MYO16: variants seen among roughly 807,000 people sequenced by gnomAD.
The protein encoded by MYO16 is myosin XVI, also known as unconventional myosin-XVI.
In MYO16, 94 loss-of-function variants were observed where a neutral mutation model predicts 205.3. The observed-to-expected ratio is 0.46, with a 90% CI of 0.39 to 0.54. MYO16 has a LOEUF of 0.54. Ranked by LOEUF, MYO16 falls within the 20% of genes least tolerant of loss-of-function variation. The pLI is 0.00. For synonymous variants in MYO16, 988 were observed against 954.0 expected, an observed-to-expected ratio of 1.04 and a Z score of -0.66; for missense variants, 2,315 against 2,387.5, an observed-to-expected ratio of 0.97 and a Z score of 0.63.
intron 28 of MYO16, among the ~76,000 whole-genome samples, chr13:109,107,542 T>C (rs559395311): frequency 6.6e-6 from 1 of 152,168 alleles, no homozygotes; most frequent in Non-Finnish European, 1.5e-5. Flanking sequence ...TCACTTTTTT[T>C]ACATTCTCTA....
chr13:108,736,069 A>G (rs1257723097), intron 4 of MYO16, among the ~76,000 whole-genome samples: 1 of 152,108 alleles, frequency 6.6e-6, no homozygotes, highest in Non-Finnish European at 1.5e-5. Context: ...AGTAGGTTGC[A>G]AAAATTTTCT....
chr13:109,064,490 C>CA (rs1264911716), intron 27 of MYO16, among the ~76,000 whole-genome samples: 1 of 152,148 alleles, frequency 6.6e-6, no homozygotes, highest in African/African-American at 2.4e-5. Flanking sequence ...TTCTGTAGAA[C>CA]AAAAAATCCT....
chr13:109,116,856 C>A, intron 28 of MYO16, among the ~76,000 whole-genome samples: 1 of 152,084 alleles, frequency 6.6e-6, no homozygotes, highest in Non-Finnish European at 1.5e-5. Flanking sequence ...GAGAGGAAGG[C>A]AGACACTTGC....
intron 20 of MYO16, among the ~76,000 whole-genome samples, chr13:108,976,183 TTGA>T (rs893520501): frequency 2.0e-5 from 3 of 152,306 alleles, no homozygotes; most frequent in African/African-American, 7.2e-5. Flanking sequence ...TTTTCACTTT[TTGA>T]TGATAATATT....
chr13:108,522,528 T>C, the MYO16 span, among the ~76,000 whole-genome samples: 1 of 152,112 alleles, frequency 6.6e-6, no homozygotes, highest in Non-Finnish European at 1.5e-5. Flanking sequence ...AAATTTACTG[T>C]CTCATAATAA....
chr13:108,713,051 T>C (rs1883786713), intron 3 of MYO16, among the ~76,000 whole-genome samples: 1 of 152,210 alleles, frequency 6.6e-6, no homozygotes, highest in Non-Finnish European at 1.5e-5. Context: ...CTTATTCCTC[T>C]AATGAAATTT....
chr13:108,873,377 C>T (rs1329358621), intron 12 of MYO16, among the ~76,000 whole-genome samples: 1 of 152,214 alleles, frequency 6.6e-6, no homozygotes, highest in East Asian at 1.9e-4. Context: ...TAAGCCTTTG[C>T]ATAACATTCA....
chr13:109,140,991 C>G lies in MYO16; in HGVS notation c.4779C>G (p.Ser1593=). 7.4e-7 allele frequency: 1 copy of G among 1,357,482 alleles called. No homozygotes were observed. The highest frequency in any genetic ancestry group is 9.5e-7 in the Non-Finnish European group (1 of 1,054,706). The allele number at this position is 1,357,482 out of a possible 1,614,324, so 84.1% of individuals were successfully genotyped here. A position where few individuals can be genotyped will look rare whatever the true frequency, so the allele number is the denominator to read the frequency against. ...FNGSGRASPP[S]TPPPPPPPPG... is the part of the protein sequence containing the mutation. ...GGTCCGGCCGAGCCTCCCCGCCGTC[C>G]ACGCCGCCCCCGCCCCCGCCCCCGC... Residue 1593 remains serine (S), a synonymous_variant, in exon 32 of 35, where the codon TCC becomes TCG. Coordinates refer to ENST00000457511, the MANE Select transcript of MYO16 (RefSeq NM_001198950.3). The surrounding 1 kb of genome is among the most constrained non-coding windows in gnomAD (Gnocchi z 8.0).
chr13:109,206,723 G>T lies in MYO16; in HGVS notation c.5530G>T (p.Ala1844Ser). 1 of 1,614,150 alleles carries T rather than the reference G, an allele frequency of 6.2e-7. No homozygotes were observed. Among genetic ancestry groups the T allele is most frequent in the Non-Finnish European group, 8.5e-7 (1 of 1,180,010 alleles). Residue 1844 changes from alanine to serine, a missense_variant, in exon 35 of 35, where the codon GCT (alanine) becomes TCT (serine). Transcript: ENST00000457511. ...AGACTGGCAGCAGATCCTGCACCAC[G>T]CTGAGCCCAGGGTGCCTCCCCCACC... ...GQDWQQILHHAEPRVPPPPPC... is the reference protein window; with the variant it reads ...GQDWQQILHHSEPRVPPPPPC...
chr13:108,860,652 C>T (rs1353584787), intron 11 of MYO16, among the ~76,000 whole-genome samples: 2 of 152,138 alleles, frequency 1.3e-5, no homozygotes, highest in African/African-American at 4.8e-5. Flanking sequence ...ACATCTGTGA[C>T]CATCTGTTCT....
intron 23 of MYO16, among the ~76,000 whole-genome samples, chr13:109,046,480 A>G (rs1887047580): frequency 6.6e-6 from 1 of 152,212 alleles, no homozygotes; most frequent in South Asian, 2.1e-4. Flanking sequence ...TAAAGACTTA[A>G]GAGTACTAAT....
chr13:108,693,071 A>G (rs2139499481), intron 2 of MYO16, among the ~76,000 whole-genome samples: 1 of 152,308 alleles, frequency 6.6e-6, no homozygotes, highest in Middle Eastern at 3.4e-3. Flanking sequence ...TTACTGAAAA[A>G]CCTGAACAGG....
chr13:109,034,433 G>A (rs935880951), intron 23 of MYO16, among the ~76,000 whole-genome samples: 1 of 152,014 alleles, frequency 6.6e-6, no homozygotes, highest in Admixed American at 6.6e-5. Flanking sequence ...TTTCCCCTTC[G>A]CTCAGCACTT....
intron 4 of MYO16, among the ~76,000 whole-genome samples, chr13:108,731,492 A>G (rs1304080277): frequency 1.3e-5 from 2 of 152,138 alleles, no homozygotes; most frequent in African/African-American, 4.8e-5. Context: ...AAATCATCTC[A>G]ATATCTGATG....
chr13:108,762,863 G>A (rs1339425604), intron 4 of MYO16, among the ~76,000 whole-genome samples: 2 of 152,186 alleles, frequency 1.3e-5, no homozygotes, highest in African/African-American at 4.8e-5. Context: ...ATTGATAGAT[G>A]TGGTCTTTGC....
intron 33 of MYO16, among the ~76,000 whole-genome samples, chr13:109,178,868 G>C (rs950897892): frequency 6.6e-6 from 1 of 152,194 alleles, no homozygotes; most frequent in African/African-American, 2.4e-5. Flanking sequence ...AAACTGCTTT[G>C]ATCATAAAGG....
chr13:108,719,277 G>GT (rs147097784), intron 3 of MYO16, among the ~76,000 whole-genome samples: 3,266 of 152,218 alleles, frequency 0.021, 42 homozygotes, highest in South Asian at 0.031. Context: ...AGAAACTAGA[G>GT]TTTTGTAGCA....
intron 19 of MYO16, 85 bp downstream of exon 19, chr13:108,962,580 G>A (rs1883631356): frequency 2.0e-6 from 2 of 977,370 alleles, no homozygotes; most frequent in Non-Finnish European, 3.0e-6. Context: ...CCCACTTAGT[G>A]AAACTATTTC....
chr13:108,996,215 A>T (rs760932517), intron 21 of MYO16, among the ~76,000 whole-genome samples: 31 of 152,358 alleles, frequency 2.0e-4, no homozygotes, highest in Non-Finnish European at 4.4e-4. Flanking sequence ...TATAGTTCAC[A>T]TAGCTCAGCA....
Sources: gnomAD v4.1 joint callset for allele counts (sites outside exome capture counted in the v4.1 genomes callset) on GRCh38, gnomAD v4.1.1 for gene constraint, Gnocchi (gnomAD v3.1) non-coding constraint, MANE v1.5 for transcripts, NCBI Gene and HGNC (gene_info 2026-07-23, HGNC 2026-07-21) for gene names.